The following GPD1L variants were observed in gnomAD, a reference collection of about 807,000 sequenced individuals.
GPD1L encodes the protein glycerol-3-phosphate dehydrogenase 1 like, also known as glycerol-3-phosphate dehydrogenase 1-like protein.
GPD1L carries 17 observed loss-of-function variants against 32.9 expected under a neutral mutation model. That is an observed-to-expected ratio of 0.52 (90% confidence interval 0.35 to 0.78). The LOEUF (loss-of-function observed/expected upper bound fraction) is 0.78, where lower values mean the gene tolerates loss of function less well. Ranked by LOEUF, GPD1L falls within the 30% of genes least tolerant of loss-of-function variation. The pLI is 0.01. For synonymous variants in GPD1L, 187 were observed against 165.9 expected (o/e 1.13, Z -0.98); for missense variants, 361 against 447.8 (o/e 0.81, Z 1.75).
chr3:32,118,264 A>G (rs1446126467), intron 1 of GPD1L, among the ~76,000 whole-genome samples: 1 of 152,368 alleles, frequency 6.6e-6, no homozygotes, highest in Admixed American at 6.5e-5. Flanking sequence ...AAGATAGGCA[A>G]GTATGAAGAA....
rs1208760907 is a variant in GPD1L, at chr3:32,121,589, C to CTA, written c.48-6477_48-6476dup. Among the ~76,000 whole-genome samples, 151 of 91,068 alleles carry CTA rather than the reference C, an allele frequency of 1.7e-3. 17 individuals are homozygous for CTA. The highest frequency in any genetic ancestry group is 8.0e-3 in the African/African-American group (141 of 17,616). The allele number at this position is 91,068 out of a possible 152,430, so 59.7% of individuals were successfully genotyped here. A position where few individuals can be genotyped will look rare whatever the true frequency, so the allele number is the denominator to read the frequency against. On this transcript the variant is annotated intron_variant, in intron 1 of 7. Transcript: ENST00000282541. The stretch of plus-strand genomic sequence containing the variant: ...TGTATATATTTCTATATATATATTT[C>CTA]TATATATATATTTCTATATATATTT...
intron 1 of GPD1L, among the ~76,000 whole-genome samples, chr3:32,121,521 C>CTATATATATTTCTCTA (rs1700413446): frequency 2.7e-5 from 1 of 37,160 alleles, no homozygotes; most frequent in South Asian, 5.3e-4. Flanking sequence ...ATATTTCTCT[C>CTATATATATTTCTCTA]TATATATATT....
In GPD1L at chr3:32,120,742, C is replaced by T. The variant is rs1453108335; in HGVS notation, c.48-7334C>T. ...GCAAGCATGCAAGTTATACATAACC[C>T]AGTCTCCAAGCCCTAACTTCCCCCT... On this transcript the variant is annotated intron_variant, in intron 1 of 7. Coordinates refer to ENST00000282541, the MANE Select transcript of GPD1L (RefSeq NM_015141.4). Among the ~76,000 whole-genome samples, 3 of 152,184 alleles carry T rather than the reference C, an allele frequency of 2.0e-5. No homozygotes were observed. In the East Asian group the frequency reaches 5.8e-4, roughly 29 times the overall value.
chr3:32,154,307 A>G (rs2125495239), intron 5 of GPD1L, among the ~76,000 whole-genome samples: 1 of 152,280 alleles, frequency 6.6e-6, no homozygotes, highest in East Asian at 1.9e-4. Flanking sequence ...CATGCCCTGC[A>G]GTGAAGGGGC....
intron 7 of GPD1L, among the ~76,000 whole-genome samples, chr3:32,161,343 G>A (rs1440752961): frequency 1.3e-5 from 2 of 152,198 alleles, no homozygotes; most frequent in Non-Finnish European, 2.9e-5. Context: ...GGCTGCCAAA[G>A]GAGGAGAACT....
chr3:32,111,456 TG>T (rs1700245827), intron 1 of GPD1L, among the ~76,000 whole-genome samples: 1 of 152,188 alleles, frequency 6.6e-6, no homozygotes, highest in South Asian at 2.1e-4. Context: ...ACCTGCTGTC[TG>T]GGATTATGGT....
intron 5 of GPD1L, among the ~76,000 whole-genome samples, chr3:32,155,226 A>G (rs1397976305): frequency 2.0e-5 from 3 of 152,030 alleles, no homozygotes; most frequent in Non-Finnish European, 4.4e-5. Context: ...TCCAGACTCC[A>G]TCTTTTACCA....
At position 32,146,767 on chromosome 3, in the gene GPD1L, G is replaced by A. The variant is rs528084436; in HGVS notation, c.618+33G>A. The A allele has an allele frequency of 7.3e-6, 9 of 1,231,786 alleles. No individual in the cohort carries two copies. In the African/African-American group the frequency reaches 1.3e-4, roughly 18 times the overall value. 76.3% of individuals were successfully genotyped at this position (1,231,786 alleles called of 1,614,324 possible). A position where few individuals can be genotyped will look rare whatever the true frequency, so the allele number is the denominator to read the frequency against. ...CAGCCTCAGGGGAGGAGTTCATCAA[G>A]CAAGGCAAATGTTAGCATCATTGAG... On this transcript the variant is annotated intron_variant, in intron 5 of 7. Coordinates refer to ENST00000282541, the MANE Select transcript of GPD1L (RefSeq NM_015141.4).
chr3:32,159,996 G>A (rs1701053954), intron 7 of GPD1L, among the ~76,000 whole-genome samples: 2 of 152,260 alleles, frequency 1.3e-5, no homozygotes, highest in South Asian at 2.1e-4. Flanking sequence ...TTTAAAATTT[G>A]TAAAAATTAC....
chr3:32,106,668 C>T lies in GPD1L; in HGVS notation c.-44C>T. The T allele has an allele frequency of 2.0e-6, 3 of 1,483,936 alleles. No individual in the cohort carries two copies. Among genetic ancestry groups the T allele is most frequent in the Non-Finnish European group, 2.7e-6 (3 of 1,112,538 alleles). The allele number at this position is 1,483,936 out of a possible 1,614,324, so 91.9% of individuals were successfully genotyped here. ...AGGCTGAACAGGCGGAGGTGGGCAG[C>T]CGGCCAGGGAAGCACGGTCCAGGCG... On this transcript the variant is annotated 5_prime_UTR_variant, in exon 1 of 8. Coordinates refer to ENST00000282541, the MANE Select transcript of GPD1L (RefSeq NM_015141.4). The surrounding 1 kb of genome is among the most constrained non-coding windows in gnomAD (Gnocchi z 4.0).
intron 1 of GPD1L, among the ~76,000 whole-genome samples, chr3:32,110,349 T>G (rs1486558287): frequency 1.3e-5 from 2 of 152,246 alleles, no homozygotes; most frequent in Non-Finnish European, 2.9e-5. Context: ...TTTGCCAATT[T>G]TAATACAGAT....
intron 1 of GPD1L, among the ~76,000 whole-genome samples, chr3:32,123,687 G>A (rs1022142432): frequency 2.6e-5 from 4 of 152,130 alleles, no homozygotes; most frequent in East Asian, 3.9e-4. Flanking sequence ...TCAAAATGCG[G>A]GAGTCGAAAG....
chr3:32,133,905 T>C (rs1372966688), intron 2 of GPD1L, among the ~76,000 whole-genome samples: 1 of 152,194 alleles, frequency 6.6e-6, no homozygotes, highest in Non-Finnish European at 1.5e-5. Flanking sequence ...ATGGTTTTTA[T>C]TTATTATTAG....
chr3:32,109,355 G>C (rs934651672), intron 1 of GPD1L, among the ~76,000 whole-genome samples: 2 of 152,206 alleles, frequency 1.3e-5, no homozygotes, highest in Non-Finnish European at 2.9e-5. Flanking sequence ...TGGGCCTGGA[G>C]CAAGAGTAGT....
In GPD1L at chr3:32,149,948, CA is replaced by C. The variant is rs34212680; in HGVS notation, c.618+3229del. On this transcript the variant is annotated intron_variant, in intron 5 of 7. Coordinates refer to ENST00000282541, the MANE Select transcript of GPD1L (RefSeq NM_015141.4). ...TGGGCGACAGAGTGAGACTCCGTCT[CA>C]AAAAAAAAAAAAAATGTAATTCATG... Among the ~76,000 whole-genome samples, 134 of 133,242 alleles carry C rather than the reference CA, an allele frequency of 1.0e-3. 1 individual carries two copies. Among genetic ancestry groups the C allele is most frequent in the East Asian group, 1.9e-3 (9 of 4,816 alleles). The allele number at this position is 133,242 out of a possible 152,430, so 87.4% of individuals were successfully genotyped here. A position where few individuals can be genotyped will look rare whatever the true frequency, so the allele number is the denominator to read the frequency against.
chr3:32,133,495 C>T (rs575310154), intron 2 of GPD1L, among the ~76,000 whole-genome samples: 104 of 152,152 alleles, frequency 6.8e-4, no homozygotes, highest in Middle Eastern at 3.4e-3. Context: ...CAATTTTAGA[C>T]ATTGCTGTAG....
At chr3:32,134,730 C>T (rs1157019515) in intron 2 of GPD1L, among the ~76,000 whole-genome samples, 26 of 152,212 alleles carry the variant, frequency 1.7e-4, no homozygotes, top group Admixed American at 1.7e-3. Context: ...TCAAGCAGTC[C>T]TCCCACCTCA....
intron 2 of GPD1L, among the ~76,000 whole-genome samples, chr3:32,132,322 A>T (rs1403103969): frequency 6.6e-6 from 1 of 152,244 alleles, no homozygotes; most frequent in African/African-American, 2.4e-5. Context: ...TTGTGGTTTG[A>T]ATAAATGCCA....
At chr3:32,126,871 G>C (rs1392946911) in intron 1 of GPD1L, among the ~76,000 whole-genome samples, 1 of 152,056 alleles carries the variant, frequency 6.6e-6, no homozygotes, top group Admixed American at 6.5e-5. Context: ...GTGTGGTCTG[G>C]GACTCAGGAT....
Sources: gnomAD v4.1 joint callset for allele counts (sites outside exome capture counted in the v4.1 genomes callset) on GRCh38, gnomAD v4.1.1 for gene constraint, Gnocchi (gnomAD v3.1) non-coding constraint, MANE v1.5 for transcripts, NCBI Gene and HGNC (gene_info 2026-07-23, HGNC 2026-07-21) for gene names.